The following CCSER1 variants were observed in gnomAD, a reference collection of about 807,000 sequenced individuals.
CCSER1 encodes the protein coiled-coil serine rich protein 1.
A neutral mutation model predicts 82.0 loss-of-function variants in CCSER1; 41 were observed. The observed-to-expected ratio is 0.50, with a 90% CI of 0.39 to 0.65. The LOEUF (loss-of-function observed/expected upper bound fraction) is 0.65, where lower values mean the gene tolerates loss of function less well. Ranked by LOEUF, CCSER1 falls within the 30% of genes least tolerant of loss-of-function variation. The pLI is 0.00. For synonymous variants in CCSER1, 414 were observed against 383.9 expected, an observed-to-expected ratio of 1.08 and a Z score of -0.92; for missense variants, 1,119 against 1,064.2, an observed-to-expected ratio of 1.05 and a Z score of -0.72.
At chr4:91,174,923 T>TTAAC (rs1560492556) in intron 10 of CCSER1, among the ~76,000 whole-genome samples, 1 of 152,074 alleles carries the variant, frequency 6.6e-6, no homozygotes, top group East Asian at 1.9e-4. Flanking sequence ...GCCATACACA[T>TTAAC]TAACTAGTCA....
chr4:91,222,320 G>A (rs1023057031), intron 10 of CCSER1, among the ~76,000 whole-genome samples: 1 of 151,860 alleles, frequency 6.6e-6, no homozygotes, highest in South Asian at 2.1e-4. Context: ...CCACCCTTGA[G>A]TTCTGTAAAA....
chr4:90,276,114 C>G (rs1032909457), intron 1 of CCSER1, among the ~76,000 whole-genome samples: 1 of 151,994 alleles, frequency 6.6e-6, no homozygotes, highest in African/African-American at 2.4e-5. Flanking sequence ...TGATGAGTCT[C>G]AATGAGAAAA....
chr4:90,384,947 A>G (rs146604812), intron 3 of CCSER1, among the ~76,000 whole-genome samples: 1 of 152,260 alleles, frequency 6.6e-6, no homozygotes, highest in African/African-American at 2.4e-5. Flanking sequence ...CTACATATCC[A>G]TAGCTTAGCC....
At chr4:90,980,344 T>A (rs1443928029) in intron 9 of CCSER1, among the ~76,000 whole-genome samples, 1 of 151,794 alleles carries the variant, frequency 6.6e-6, no homozygotes, top group Admixed American at 6.6e-5. Context: ...CCAATGTGTC[T>A]GCAGTGGACT....
chr4:90,820,793 G>T (rs1295912769), intron 8 of CCSER1, among the ~76,000 whole-genome samples: 2 of 151,464 alleles, frequency 1.3e-5, no homozygotes, highest in Non-Finnish European at 2.9e-5. Context: ...GGAGGGAAAA[G>T]CAGATTTTAG....
intron 6 of CCSER1, among the ~76,000 whole-genome samples, chr4:90,710,917 G>C (rs920778796): frequency 6.6e-6 from 1 of 151,956 alleles, no homozygotes; most frequent in African/African-American, 2.4e-5. Context: ...AACTACTTTT[G>C]GGAAGTATGG....
chr4:91,254,555 G>A lies in CCSER1; in HGVS notation c.2217+168561G>A, dbSNP rs147747314. Among the ~76,000 whole-genome samples, 835 of 152,134 alleles carry A rather than the reference G, an allele frequency of 5.5e-3. 4 individuals are homozygous for A. The highest frequency in any genetic ancestry group is 8.4e-3 in the Non-Finnish European group (573 of 67,982). On this transcript the variant is annotated intron_variant, in intron 10 of 10. Coordinates refer to ENST00000509176, the MANE Select transcript of CCSER1 (RefSeq NM_001145065.2). The stretch of plus-strand genomic sequence containing the variant: ...AGAGACTGAATGAAAAGGGAAAAGA[G>A]GGAGTTGTTCTTCAATGGCTACAAA...
intron 10 of CCSER1, among the ~76,000 whole-genome samples, chr4:91,114,553 A>G (rs1008976079): frequency 1.3e-5 from 2 of 152,180 alleles, no homozygotes; most frequent in Non-Finnish European, 2.9e-5. Context: ...TCAGAAGAAA[A>G]CACTGTCAGA....
At chr4:91,376,709 T>C (rs147082474) in intron 10 of CCSER1, among the ~76,000 whole-genome samples, 129 of 152,328 alleles carry the variant, frequency 8.5e-4, no homozygotes, top group African/African-American at 3.1e-3. Context: ...TATTTGATGT[T>C]GTGAAGAAAA....
chr4:91,333,327 T>C (rs1747088663), intron 10 of CCSER1, among the ~76,000 whole-genome samples: 1 of 152,172 alleles, frequency 6.6e-6, no homozygotes, highest in Non-Finnish European at 1.5e-5. Flanking sequence ...GATTTGCAAG[T>C]GTTATGTCAC....
chr4:90,372,185 G>A (rs1342980462), intron 3 of CCSER1, among the ~76,000 whole-genome samples: 1 of 152,022 alleles, frequency 6.6e-6, no homozygotes, highest in East Asian at 1.9e-4. Flanking sequence ...AAATGATGCT[G>A]AAATCTAAAA....
At chr4:91,017,134 A>G in intron 9 of CCSER1, 1 of 152,184 alleles carries the variant, frequency 6.6e-6, no homozygotes, top group South Asian at 2.1e-4. Context: ...ATGACTTTCT[A>G]TGTCATGGTC....
intron 7 of CCSER1, among the ~76,000 whole-genome samples, chr4:90,795,435 T>C (rs1019877295): frequency 6.6e-6 from 1 of 152,230 alleles, no homozygotes; most frequent in Non-Finnish European, 1.5e-5. Flanking sequence ...TCATGCTTTC[T>C]GCAAACAGGG....
rs377006718 is a variant in CCSER1 at position 90,444,754 on chromosome 4, C to CATGTTTT, written c.1604-23475_1604-23469dup. 2.1e-3 allele frequency among the ~76,000 whole-genome samples: 323 copies of CATGTTTT among 152,040 alleles called. 1 individual carries two copies. Among genetic ancestry groups the CATGTTTT allele is most frequent in the African/African-American group, 5.2e-3 (215 of 41,510 alleles). ...TATCAAAATTTGAATATTAGAAACT[C>CATGTTTT]ATGTTTTATGTACATATAGTATTTC... is the stretch of plus-strand genomic sequence containing the variant. On this transcript the variant is annotated intron_variant, in intron 4 of 10. Coordinates refer to ENST00000509176, the MANE Select transcript of CCSER1 (RefSeq NM_001145065.2).
chr4:90,879,521 AGAGGAAGAG>A (rs1284138386), intron 8 of CCSER1, among the ~76,000 whole-genome samples: 1 of 150,092 alleles, frequency 6.7e-6, no homozygotes, highest in East Asian at 1.9e-4. Flanking sequence ...AAGAAGAGGA[AGAGGAAGAG>A]GAAGAAGAAG....
intron 9 of CCSER1, among the ~76,000 whole-genome samples, chr4:90,942,477 A>G (rs537354275): frequency 1.3e-5 from 2 of 151,886 alleles, no homozygotes; most frequent in African/African-American, 2.4e-5. Context: ...TGATTTTTGT[A>G]TGGGGATACA....
At chr4:90,978,546 C>CTTTA (rs1735814818) in intron 9 of CCSER1, among the ~76,000 whole-genome samples, 1 of 151,596 alleles carries the variant, frequency 6.6e-6, no homozygotes, top group African/African-American at 2.4e-5. Context: ...AATTTAGATT[C>CTTTA]AGGGAATGTG....
At chr4:91,321,855 C>T (rs1560588201) in intron 10 of CCSER1, among the ~76,000 whole-genome samples, 1 of 152,050 alleles carries the variant, frequency 6.6e-6, no homozygotes, top group African/African-American at 2.4e-5. Flanking sequence ...ATTTTACTCT[C>T]TTATCACACC....
chr4:91,522,932 G>A (rs1305337321), intron 10 of CCSER1, among the ~76,000 whole-genome samples: 1 of 152,110 alleles, frequency 6.6e-6, no homozygotes, highest in Non-Finnish European at 1.5e-5. Flanking sequence ...TGGTGAGAGA[G>A]GGCATCCCTG....
Sources: gnomAD v4.1 joint callset for allele counts (sites outside exome capture counted in the v4.1 genomes callset) on GRCh38, gnomAD v4.1.1 for gene constraint, MANE v1.5 for transcripts, NCBI Gene and HGNC (gene_info 2026-07-23, HGNC 2026-07-21) for gene names.